Variants in ZBTB7C observed in about 807,000 individuals in gnomAD.
ZBTB7C encodes zinc finger and BTB domain containing 7C.
In ZBTB7C, 8 loss-of-function variants were observed where a neutral mutation model predicts 25.7. That is an observed-to-expected ratio of 0.31 (90% CI 0.18 to 0.56). The LOEUF is 0.56. Among genes scored for constraint, ZBTB7C ranks in the 20% least tolerant of loss-of-function variants. The pLI is 0.91. For synonymous variants in ZBTB7C, 394 were observed against 369.0 expected (o/e 1.07, Z -0.78); for missense variants, 824 against 855.2 (o/e 0.96, Z 0.46).
chr18:48,211,523 G>A (rs762565586), intron 2 of ZBTB7C, among the ~76,000 whole-genome samples: 11 of 152,122 alleles, frequency 7.2e-5, no homozygotes, highest in Non-Finnish European at 1.2e-4. Context: ...GTAGACAAAT[G>A]ATTTGAACAG....
chr18:48,157,417 C>T (rs551218962), intron 3 of ZBTB7C, among the ~76,000 whole-genome samples: 9 of 152,228 alleles, frequency 5.9e-5, no homozygotes, highest in Non-Finnish European at 8.8e-5. Flanking sequence ...GAAACGGAGA[C>T]AAACCAACCC....
rs560558078 is a variant in ZBTB7C, at chr18:48,304,671, T to C, written c.-79+33503A>G. Among the ~76,000 whole-genome samples the C allele has an allele frequency of 2.0e-5, 3 of 151,488 alleles. No individual in the cohort carries two copies. In the East Asian group the frequency reaches 5.8e-4, roughly 29 times the overall value. On this transcript the variant is annotated intron_variant, in intron 2 of 4. Transcript: ENST00000590800. ...GCCTGGGCAACACAGTGAGACTCCG[T>C]CTCAGAAAAAAGTACAAAACTTAGC...
chr18:48,373,788 C>T (rs1017089323), intron 1 of ZBTB7C, among the ~76,000 whole-genome samples: 1 of 152,164 alleles, frequency 6.6e-6, no homozygotes, highest in African/African-American at 2.4e-5. Context: ...GGTGAAACCC[C>T]ATCTCTACTA....
intron 3 of ZBTB7C, among the ~76,000 whole-genome samples, chr18:48,130,671 G>A (rs1375623471): frequency 2.7e-5 from 4 of 150,650 alleles, no homozygotes; most frequent in Non-Finnish European, 5.9e-5. Context: ...ATTTTGTGCA[G>A]AACCAGATCC....
At chr18:48,327,521 C>T (rs545884569) in intron 2 of ZBTB7C, among the ~76,000 whole-genome samples, 3 of 152,352 alleles carry the variant, frequency 2.0e-5, no homozygotes, top group Admixed American at 6.5e-5. Context: ...TGATCCACTG[C>T]TCATCCCACC....
At chr18:48,156,444 T>C (rs2040843201) in intron 3 of ZBTB7C, among the ~76,000 whole-genome samples, 1 of 152,238 alleles carries the variant, frequency 6.6e-6, no homozygotes, top group Non-Finnish European at 1.5e-5. Context: ...GTAGGATCTT[T>C]GTGAGGATTC....
intron 1 of ZBTB7C, among the ~76,000 whole-genome samples, chr18:48,391,775 T>A (rs1200759831): frequency 1.2e-4 from 18 of 152,142 alleles, no homozygotes. Flanking sequence ...AAAATGCACA[T>A]CTCTCACGAG....
At chr18:48,158,847 T>C (rs2040915853) in intron 3 of ZBTB7C, among the ~76,000 whole-genome samples, 1 of 152,176 alleles carries the variant, frequency 6.6e-6, no homozygotes, top group Non-Finnish European at 1.5e-5. Flanking sequence ...CTGGTTTTAC[T>C]GATAATCTGG....
chr18:48,222,549 T>C (rs1289815164), intron 2 of ZBTB7C, among the ~76,000 whole-genome samples: 1 of 152,138 alleles, frequency 6.6e-6, no homozygotes, highest in African/African-American at 2.4e-5. Flanking sequence ...CATTCATCGA[T>C]TGAGAAAATT....
At chr18:48,071,101 C>A (rs895624502) in intron 3 of ZBTB7C, among the ~76,000 whole-genome samples, 2 of 152,180 alleles carry the variant, frequency 1.3e-5, no homozygotes, top group Non-Finnish European at 2.9e-5. Context: ...ATGATAAATG[C>A]AGTTTCACAA....
At chr18:48,041,182 C>T (rs2036228925) in intron 3 of ZBTB7C, 59 bp from the exon 4 acceptor site, 4 of 1,515,956 alleles carry the variant, frequency 2.6e-6, no homozygotes, top group Non-Finnish European at 3.5e-6. Context: ...GGAGGGGTCT[C>T]AACTCTAGGA....
intron 3 of ZBTB7C, among the ~76,000 whole-genome samples, chr18:48,154,178 C>CA (rs1474975270): frequency 2.6e-5 from 4 of 152,170 alleles, no homozygotes; most frequent in Non-Finnish European, 1.5e-5. Context: ...GGGGTCCTGA[C>CA]AGACAGGCGT....
intron 1 of ZBTB7C, among the ~76,000 whole-genome samples, chr18:48,373,772 A>G (rs113272195): frequency 0.067 from 10,170 of 152,228 alleles, 407 homozygotes; most frequent in African/African-American, 0.11. Context: ...CCATCCTGGT[A>G]AACACGGTGA....
intron 3 of ZBTB7C, among the ~76,000 whole-genome samples, chr18:48,171,121 A>G (rs2041463159): frequency 6.6e-6 from 1 of 152,222 alleles, no homozygotes; most frequent in African/African-American, 2.4e-5. Flanking sequence ...GTAGAAGAAG[A>G]TGGCACCAGG....
chr18:48,215,138 C>A (rs2042791740), intron 2 of ZBTB7C, among the ~76,000 whole-genome samples: 1 of 152,178 alleles, frequency 6.6e-6, no homozygotes. Flanking sequence ...TTCCAATAAT[C>A]CTGCTCATGG....
intron 2 of ZBTB7C, among the ~76,000 whole-genome samples, chr18:48,215,174 T>C (rs1484907099): frequency 6.6e-6 from 1 of 152,212 alleles, no homozygotes. Flanking sequence ...CATTATTCAA[T>C]CTTGACATTA....
intron 3 of ZBTB7C, among the ~76,000 whole-genome samples, chr18:48,059,878 C>G (rs947572275): frequency 2.6e-5 from 4 of 152,194 alleles, no homozygotes; most frequent in Non-Finnish European, 5.9e-5. Flanking sequence ...TCCATCCCCC[C>G]ACCCGCCCAG....
At chr18:48,173,123 T>A (rs2041548151) in intron 3 of ZBTB7C, among the ~76,000 whole-genome samples, 1 of 152,210 alleles carries the variant, frequency 6.6e-6, no homozygotes, top group Admixed American at 6.5e-5. Context: ...GTTAGTTTAC[T>A]TCAGGTTTTG....
Position 48,377,859 on chromosome 18 carries a change from A to T in ZBTB7C, c.-304+31367T>A, listed in dbSNP as rs374720547. ...ACCAATCCTTCTTGAAAGCAAGAGTAAAAAGGAGAGAGGTAAAATAAGAAA... is the reference window on the plus strand; with the variant it reads ...ACCAATCCTTCTTGAAAGCAAGAGTTAAAAGGAGAGAGGTAAAATAAGAAA... On this transcript the variant is annotated intron_variant, in intron 1 of 4. Coordinates refer to ENST00000590800, the MANE Select transcript of ZBTB7C (RefSeq NM_001318841.2). Among the ~76,000 whole-genome samples, 6 of 152,302 alleles carry T rather than the reference A, an allele frequency of 3.9e-5. No individual in the cohort carries two copies. In the East Asian group the frequency reaches 9.7e-4, roughly 25 times the overall value.
Sources: gnomAD v4.1 joint callset for allele counts (sites outside exome capture counted in the v4.1 genomes callset) on GRCh38, gnomAD v4.1.1 for gene constraint, MANE v1.5 for transcripts, NCBI Gene and HGNC (gene_info 2026-07-23, HGNC 2026-07-21) for gene names.